SDK1: variants seen among roughly 807,000 people sequenced by gnomAD.
SDK1 encodes the protein sidekick cell adhesion molecule 1.
A neutral mutation model predicts 245.5 loss-of-function variants in SDK1; 157 were observed. The observed-to-expected ratio is 0.64, with a 90% CI of 0.56 to 0.73. The LOEUF (loss-of-function observed/expected upper bound fraction) is 0.73, where lower values mean the gene tolerates loss of function less well. SDK1 is among the 30% of genes least tolerant of loss of function. The pLI is 0.00. For synonymous variants in SDK1, 1,647 were observed against 1,278.5 expected (o/e 1.29, Z -6.15); for missense variants, 3,583 against 3,002.3 (o/e 1.19, Z -4.52).
At chr7:4,239,409 C>G (rs772069119) in intron 42 of SDK1, among the ~76,000 whole-genome samples, 10 of 152,252 alleles carry the variant, frequency 6.6e-5, no homozygotes, top group Non-Finnish European at 1.5e-4. Flanking sequence ...AAGCATCATT[C>G]TGGACACTTA....
At chr7:3,534,431 T>C (rs1778809787) in intron 1 of SDK1, among the ~76,000 whole-genome samples, 1 of 152,170 alleles carries the variant, frequency 6.6e-6, no homozygotes, top group South Asian at 2.1e-4. Flanking sequence ...ATATAGTAAT[T>C]ATATTTTTAA....
intron 2 of SDK1, among the ~76,000 whole-genome samples, chr7:3,626,693 G>C (rs916535243): frequency 3.9e-5 from 6 of 152,156 alleles, no homozygotes; most frequent in Non-Finnish European, 1.5e-5. Context: ...AGTGATTAGA[G>C]TCATTTACCT....
At chr7:3,444,673 T>C (rs1175875788) in intron 1 of SDK1, among the ~76,000 whole-genome samples, 2 of 152,168 alleles carry the variant, frequency 1.3e-5, no homozygotes, top group African/African-American at 4.8e-5. Context: ...TTTTCAACAG[T>C]CAGTTGTTAG....
chr7:3,798,355 C>G (rs1023457580), intron 4 of SDK1, among the ~76,000 whole-genome samples: 5 of 151,418 alleles, frequency 3.3e-5, no homozygotes, highest in Admixed American at 1.3e-4. Context: ...GTAGCTGGGA[C>G]TACAGGCGCC....
At chr7:3,425,399 C>T (rs1244763781) in intron 1 of SDK1, among the ~76,000 whole-genome samples, 8 of 152,120 alleles carry the variant, frequency 5.3e-5, no homozygotes, top group Non-Finnish European at 8.8e-5. Flanking sequence ...CTGAGTAACT[C>T]TTTGGTAACC....
chr7:3,565,470 G>C (rs1779881722), intron 1 of SDK1, among the ~76,000 whole-genome samples: 1 of 152,116 alleles, frequency 6.6e-6, no homozygotes, highest in Non-Finnish European at 1.5e-5. Context: ...TAAAGCAAGA[G>C]GCATATGGAT....
chr7:4,113,586 T>A, intron 24 of SDK1, 147 bp downstream of exon 24: 1 of 913,568 alleles, frequency 1.1e-6, no homozygotes, highest in East Asian at 2.5e-5. Flanking sequence ...TATTGCATTT[T>A]ACAATTAGTG....
chr7:3,949,208 C>G (rs1054187777), intron 5 of SDK1, among the ~76,000 whole-genome samples: 3 of 152,204 alleles, frequency 2.0e-5, no homozygotes, highest in South Asian at 4.1e-4. Context: ...CTCAGCCCCC[C>G]AGGGACCCAG....
intron 14 of SDK1, among the ~76,000 whole-genome samples, chr7:3,993,904 C>T (rs577491790): frequency 6.6e-6 from 1 of 152,354 alleles, no homozygotes; most frequent in South Asian, 2.1e-4. Context: ...ACTGAGTCCA[C>T]ATCCCCTCAG....
rs1411221969 is a variant in SDK1 at position 4,232,687 on chromosome 7, C to T, written c.5828-568C>T. On this transcript the variant is annotated intron_variant, in intron 40 of 44. Transcript: ENST00000404826. ...CTGTGTTGCCCAGGCTGGTCTCCAG[C>T]TCTGGGCTCAAGCAGTCCTGTAACC... 2.0e-5 allele frequency among the ~76,000 whole-genome samples: 3 copies of T among 151,916 alleles called. No individual in the cohort carries two copies. In the East Asian group the frequency reaches 5.8e-4, roughly 29 times the overall value.
chr7:3,946,687 G>T (rs987598868), intron 5 of SDK1, among the ~76,000 whole-genome samples: 1 of 152,104 alleles, frequency 6.6e-6, no homozygotes, highest in Admixed American at 6.5e-5. Flanking sequence ...GGATACTCTA[G>T]CTAAGTGAGG....
chr7:4,243,271 ACAT>A (rs1305635406), intron 43 of SDK1, among the ~76,000 whole-genome samples: 1 of 152,228 alleles, frequency 6.6e-6, no homozygotes, highest in Non-Finnish European at 1.5e-5. Context: ...GGAAAGAGAA[ACAT>A]CATTTGATGG....
chr7:3,540,642 G>A (rs1779028847), intron 1 of SDK1, among the ~76,000 whole-genome samples: 1 of 152,204 alleles, frequency 6.6e-6, no homozygotes, highest in Non-Finnish European at 1.5e-5. Flanking sequence ...AATGCAGGGA[G>A]AATGCACATT....
chr7:3,405,384 G>A (rs576551962), intron 1 of SDK1, among the ~76,000 whole-genome samples: 6 of 152,226 alleles, frequency 3.9e-5, no homozygotes, highest in Non-Finnish European at 7.4e-5. Context: ...TTTAAACACT[G>A]AAGTGCCCAA....
chr7:3,911,082 G>T (rs1779146303), intron 5 of SDK1, among the ~76,000 whole-genome samples: 1 of 152,218 alleles, frequency 6.6e-6, no homozygotes, highest in South Asian at 2.1e-4. Context: ...GGGGGGACTA[G>T]GGTGGCCCGG....
chr7:4,250,374 T>G (rs540098157), intron 44 of SDK1, among the ~76,000 whole-genome samples: 2 of 152,172 alleles, frequency 1.3e-5, no homozygotes, highest in East Asian at 3.9e-4. Context: ...GATGGAGTTT[T>G]GCTCTGTCGC....
At chr7:3,303,752 CT>C (rs1016635790) in intron 1 of SDK1, among the ~76,000 whole-genome samples, 4 of 152,078 alleles carry the variant, frequency 2.6e-5, no homozygotes, top group African/African-American at 9.7e-5. Flanking sequence ...ATATATCCAT[CT>C]TTTTTTATAT....
chr7:4,209,900 A>C, intron 37 of SDK1, 125 bp from the exon 38 acceptor site: 1 of 924,614 alleles, frequency 1.1e-6, no homozygotes, highest in Non-Finnish European at 1.5e-6. Context: ...TATGACATTC[A>C]GACTTTTACT....
chr7:4,044,173 C>T (rs951715041), intron 17 of SDK1, among the ~76,000 whole-genome samples: 8 of 152,186 alleles, frequency 5.3e-5, no homozygotes, highest in African/African-American at 1.9e-4. Flanking sequence ...AAGATGGCTT[C>T]GTGCACACGT....
Sources: allele counts gnomAD v4.1 joint callset (sites outside exome capture counted in the v4.1 genomes callset), GRCh38; gene constraint gnomAD v4.1.1; transcripts MANE v1.5; gene names NCBI Gene and HGNC (gene_info 2026-07-23, HGNC 2026-07-21).